Variants in GNPTAB observed in about 807,000 individuals in gnomAD.
GNPTAB encodes N-acetylglucosamine-1-phosphate transferase subunits alpha and beta, also known as N-acetylglucosamine-1-phosphotransferase subunits alpha/beta.
A neutral mutation model predicts 136.6 loss-of-function variants in GNPTAB; 92 were observed. That is an observed-to-expected ratio of 0.67 (90% CI 0.57 to 0.80). The LOEUF (loss-of-function observed/expected upper bound fraction) is 0.80, where lower values mean the gene tolerates loss of function less well. Ranked by LOEUF, GNPTAB falls within the 30% of genes least tolerant of loss-of-function variation. The pLI is 0.00. For missense variants in GNPTAB, 1,343 were observed against 1,501.8 expected (o/e 0.89, Z 1.75); for synonymous variants, 512 against 535.1 (o/e 0.96, Z 0.60).
chr12:101,755,419 G>A (rs745433893), intron 18 of GNPTAB, among the ~76,000 whole-genome samples: 2 of 152,150 alleles, frequency 1.3e-5, no homozygotes, highest in Non-Finnish European at 2.9e-5. Context: ...CCTAATATAT[G>A]AGCCTTGAGT....
rs907537303 is a variant in GNPTAB at position 101,780,969 on chromosome 12, A to C, written c.572-348T>G. On this transcript the variant is annotated intron_variant, in intron 5 of 20. Coordinates refer to ENST00000299314, the MANE Select transcript of GNPTAB (RefSeq NM_024312.5). Reference sequence around the variant, plus strand: ...GGGAAAAAGAAAGAATTGTTTGACTAGAGTAAAATATTTGGGAGTGGTGAG... The same window carrying C: ...GGGAAAAAGAAAGAATTGTTTGACTCGAGTAAAATATTTGGGAGTGGTGAG... Among the ~76,000 whole-genome samples the C allele has an allele frequency of 5.3e-5, 8 of 152,212 alleles. No homozygotes were observed. The East Asian group carries it at 7.7e-4, about 15-fold the overall frequency.
At position 101,788,547 on chromosome 12, in the gene GNPTAB, C is replaced by T; in HGVS notation, c.365+1G>A. ...TCTTGAGAGGAAATCAAAATGCTTA[C>T]CTCTTCTTAGTAGGTTCCGTTGTGT... On this transcript the variant is annotated splice_donor_variant, in intron 4 of 20. Coordinates refer to ENST00000299314, the MANE Select transcript of GNPTAB (RefSeq NM_024312.5). LOFTEE classifies it high-confidence loss of function. 1.3e-6 allele frequency: 2 copies of T among 1,547,388 alleles called. No individual in the cohort carries two copies. Among genetic ancestry groups the T allele is most frequent in the Non-Finnish European group, 1.8e-6 (2 of 1,119,182 alleles).
Position 101,791,279 on chromosome 12 carries a change from A to G in GNPTAB, c.204-1222T>C, listed in dbSNP as rs911027142. ...ACTACCAAAAACCTACCCATCTTTCAGGGGCCTGCCCAGATGCATGCCACT... is the reference window on the plus strand; with the variant it reads ...ACTACCAAAAACCTACCCATCTTTCGGGGGCCTGCCCAGATGCATGCCACT... On this transcript the variant is annotated intron_variant, in intron 2 of 20. Transcript: ENST00000299314. Among the ~76,000 whole-genome samples, 3 of 152,162 alleles carry G rather than the reference A, an allele frequency of 2.0e-5. 1 individual carries two copies. Among genetic ancestry groups the G allele is most frequent in the Non-Finnish European group, 2.9e-5 (2 of 68,032 alleles).
rs532164205 is a variant in GNPTAB at position 101,746,903 on chromosome 12, T to C, written c.*261A>G. 9 of 414,648 alleles carry C rather than the reference T, an allele frequency of 2.2e-5. No individual in the cohort carries two copies. The Admixed American group carries it at 2.4e-4, about 11-fold the overall frequency. 25.7% of individuals were successfully genotyped at this position (414,648 alleles called of 1,614,324 possible). On this transcript the variant is annotated 3_prime_UTR_variant, in exon 21 of 21. Coordinates refer to ENST00000299314, the MANE Select transcript of GNPTAB (RefSeq NM_024312.5). ...GCTGTCTCTTGTCAGTGAGCCTTTT[T>C]ATAAAAAGGATGACAGGTCCATGAG...
rs554380439 is a variant in GNPTAB at position 101,818,367 on chromosome 12, T to C, written c.117+12192A>G. ...TCCAGAGCAGAAAGCAACTTAAATA[T>C]ATTTGTGTCTTTTTTTTTTTTTTTT... is the stretch of plus-strand genomic sequence containing the variant. On this transcript the variant is annotated intron_variant, in intron 1 of 20. Transcript: ENST00000299314. Among the ~76,000 whole-genome samples the C allele has an allele frequency of 2.0e-5, 3 of 149,002 alleles. No individual in the cohort carries two copies. In the East Asian group the frequency reaches 5.9e-4, roughly 29 times the overall value.
chr12:101,780,137 T>C lies in GNPTAB; in HGVS notation c.771+15A>G. 6.2e-7 allele frequency: 1 copy of C among 1,611,450 alleles called. No individual in the cohort carries two copies. The highest frequency in any genetic ancestry group is 8.5e-7 in the Non-Finnish European group (1 of 1,177,588). On this transcript the variant is annotated intron_variant, in intron 7 of 20. Transcript: ENST00000299314. ...GAATGTGCCAGGCTAATTGCTCTAT[T>C]TTCTATGTTCTTACCAGTTTGACTT...
chr12:101,788,542 G>C lies in GNPTAB; in HGVS notation c.365+6C>G, dbSNP rs751286586. 6.5e-7 allele frequency: 1 copy of C among 1,532,906 alleles called. No homozygotes were observed. Among genetic ancestry groups the C allele is most frequent in the Non-Finnish European group, 9.0e-7 (1 of 1,106,026 alleles). 95.0% of individuals were successfully genotyped at this position (1,532,906 alleles called of 1,614,324 possible). ...TTTACTCTTGAGAGGAAATCAAAAT[G>C]CTTACCTCTTCTTAGTAGGTTCCGT... On this transcript the variant is annotated splice_donor_region_variant and intron_variant, in intron 4 of 20. Coordinates refer to ENST00000299314, the MANE Select transcript of GNPTAB (RefSeq NM_024312.5).
At chr12:101,777,734 C>T (rs1953280307) in intron 7 of GNPTAB, among the ~76,000 whole-genome samples, 1 of 152,182 alleles carries the variant, frequency 6.6e-6, no homozygotes, top group African/African-American at 2.4e-5. Context: ...ACTTCATTCT[C>T]AGAGTACTCA....
At chr12:101,809,290 G>T (rs754278928) in intron 1 of GNPTAB, among the ~76,000 whole-genome samples, 1 of 152,204 alleles carries the variant, frequency 6.6e-6, no homozygotes, top group Non-Finnish European at 1.5e-5. Flanking sequence ...ACAACACCAA[G>T]CCGGGAAAGA....
chr12:101,760,063 T>C lies in GNPTAB; in HGVS notation c.3216A>G (p.Pro1072=), dbSNP rs61935741. 2.7e-4 allele frequency: 443 copies of C among 1,612,752 alleles called. No homozygotes were observed. The highest frequency in any genetic ancestry group is 3.4e-4 in the Non-Finnish European group (396 of 1,178,874). ...PADITQLNNI[P]PTQESYYDPN... is the part of the protein sequence containing the mutation. ...GATCATAGTAGGATTCCTGAGTTGG[T>C]GGAATATTATTTAGCTGCGTGATAT... is the stretch of plus-strand genomic sequence containing the variant. The change falls in exon 16 of 21, where the codon CCA becomes CCG. Residue 1072 remains proline, a synonymous_variant. Transcript: ENST00000299314.
intron 2 of GNPTAB, among the ~76,000 whole-genome samples, chr12:101,792,964 AG>A (rs1161353728): frequency 1.3e-5 from 2 of 152,170 alleles, no homozygotes; most frequent in Non-Finnish European, 2.9e-5. Flanking sequence ...ACAAGCTCTC[AG>A]GTAATGCTGA....
At chr12:101,823,294 T>C (rs1302945940) in intron 1 of GNPTAB, among the ~76,000 whole-genome samples, 1 of 152,108 alleles carries the variant, frequency 6.6e-6, no homozygotes, top group African/African-American at 2.4e-5. Context: ...AGTGTGGATC[T>C]AGAGCTTGTT....
At chr12:101,765,766 T>G (rs1447690705) in intron 12 of GNPTAB, 1 of 370,494 alleles carries the variant, frequency 2.7e-6, no homozygotes, top group East Asian at 6.3e-5. Context: ...CAAAATCCAG[T>G]GTTTGAACCA....
At chr12:101,772,570 T>A (rs1953192444) in intron 7 of GNPTAB, among the ~76,000 whole-genome samples, 1 of 152,216 alleles carries the variant, frequency 6.6e-6, no homozygotes, top group Non-Finnish European at 1.5e-5. Flanking sequence ...TCACCTCTTT[T>A]ACTTAGTGAG....
At chr12:101,793,018 T>A (rs994846689) in intron 2 of GNPTAB, among the ~76,000 whole-genome samples, 6 of 152,236 alleles carry the variant, frequency 3.9e-5, no homozygotes, top group Admixed American at 3.9e-4. Context: ...CACTGATTTA[T>A]ATGTAGGTTA....
At chr12:101,754,377 CT>C (rs533292734) in intron 18 of GNPTAB, among the ~76,000 whole-genome samples, 92 of 151,852 alleles carry the variant, frequency 6.1e-4, no homozygotes, top group Non-Finnish European at 1.0e-3. Context: ...AGTCAGCAAT[CT>C]TTAGATTGCA....
intron 1 of GNPTAB, among the ~76,000 whole-genome samples, chr12:101,798,595 C>T (rs1337564025): frequency 1.3e-5 from 2 of 152,110 alleles, no homozygotes; most frequent in African/African-American, 2.4e-5. Flanking sequence ...TACATGGTAC[C>T]GTTTGCAATT....
rs77511527 is a variant in GNPTAB at position 101,770,352 on chromosome 12, C to A, written c.1113+54G>T. On this transcript the variant is annotated intron_variant, in intron 9 of 20. Transcript: ENST00000299314. ...AAATTATGGAAATCCCTGTACCACA[C>A]TAAAAGAGCAGAATTAGAAATCACA... 5.5e-6 allele frequency: 8 copies of A among 1,445,476 alleles called. No individual in the cohort carries two copies. In the Middle Eastern group the frequency reaches 7.0e-4, roughly 126 times the overall value. 89.5% of individuals were successfully genotyped at this position (1,445,476 alleles called of 1,614,324 possible). A position where few individuals can be genotyped will look rare whatever the true frequency, so the allele number is the denominator to read the frequency against.
intron 3 of GNPTAB, among the ~76,000 whole-genome samples, chr12:101,789,273 T>C (rs1868843412): frequency 2.6e-5 from 4 of 152,160 alleles, no homozygotes. Flanking sequence ...ATTCATAAAA[T>C]CATCATCTAA....
Sources: gnomAD v4.1 joint callset for allele counts (sites outside exome capture counted in the v4.1 genomes callset) on GRCh38, gnomAD v4.1.1 for gene constraint, MANE v1.5 for transcripts, NCBI Gene and HGNC (gene_info 2026-07-23, HGNC 2026-07-21) for gene names.